The following CPA6 variants were observed in gnomAD, a reference collection of about 807,000 sequenced individuals.
The protein encoded by CPA6 is carboxypeptidase A6.
In CPA6, 58 loss-of-function variants were observed where a neutral mutation model predicts 63.3. That is an observed-to-expected ratio of 0.92 (90% CI 0.74 to 1.14). The LOEUF is 1.14. Ranked by LOEUF, CPA6 falls within the 50% of genes most tolerant of loss-of-function variation. CPA6 has a pLI of 0.00. For missense variants in CPA6, 565 were observed against 526.6 expected (o/e 1.07, Z -0.71); for synonymous variants, 185 against 179.0 (o/e 1.03, Z -0.27).
At chr8:67,738,816 T>C (rs1017545537) in intron 1 of CPA6, among the ~76,000 whole-genome samples, 1 of 152,210 alleles carries the variant, frequency 6.6e-6, no homozygotes, top group Non-Finnish European at 1.5e-5. Context: ...CGAGAAGCCA[T>C]TAATTTAGCA....
At chr8:67,592,835 G>C (rs918973388) in intron 2 of CPA6, among the ~76,000 whole-genome samples, 73 of 152,062 alleles carry the variant, frequency 4.8e-4, no homozygotes, top group East Asian at 1.9e-4. Context: ...CAAAAAACCA[G>C]CTCCTGGATT....
At chr8:67,459,239 G>A (rs1234764862) in intron 8 of CPA6, among the ~76,000 whole-genome samples, 1 of 152,078 alleles carries the variant, frequency 6.6e-6, no homozygotes, top group Non-Finnish European at 1.5e-5. Context: ...TGTTCAGGCT[G>A]GTCTGAAACT....
At chr8:67,677,342 C>CTTTTTT (rs35049117) in intron 1 of CPA6, among the ~76,000 whole-genome samples, 82 of 128,328 alleles carry the variant, frequency 6.4e-4, no homozygotes, top group East Asian at 4.9e-3. Flanking sequence ...AAAACACCTT[C>CTTTTTT]TTTTTTTTTT....
In CPA6 at chr8:67,484,721, C is replaced by T; in HGVS notation, c.705G>A (p.Met235Ile). 1 of 1,610,450 alleles carries T rather than the reference C, an allele frequency of 6.2e-7. No homozygotes were observed. The highest frequency in any genetic ancestry group is 1.3e-5 in the African/African-American group (1 of 74,976). The change falls in exon 7 of 11, where the codon ATG becomes ATA. Residue 235 changes from methionine to isoleucine, a missense_variant. Coordinates refer to ENST00000297770, the MANE Select transcript of CPA6 (RefSeq NM_020361.5). ...GGTATCCATCGACGTTAAACACAGG[C>T]ATGATATAGAAATATAGATGATTCA... ...KMLNHLYFYI[M>I]PVFNVDGYHF... is the part of the protein sequence containing the mutation.
chr8:67,537,551 A>ATT (rs1369276312), intron 2 of CPA6, among the ~76,000 whole-genome samples: 1 of 151,578 alleles, frequency 6.6e-6, no homozygotes, highest in East Asian at 1.9e-4. Flanking sequence ...CCCCTTTGTC[A>ATT]TTTTTTTATT....
intron 1 of CPA6, among the ~76,000 whole-genome samples, chr8:67,668,620 G>A (rs1206582523): frequency 2.6e-5 from 4 of 152,182 alleles, no homozygotes; most frequent in Non-Finnish European, 5.9e-5. Flanking sequence ...AAGGATACCT[G>A]TTGGTTGGTG....
chr8:67,434,252 A>G lies in CPA6; in HGVS notation c.839-12T>C. ...AGAAGCTCCTTCATCTGCAAGTCAG[A>G]AAAGAAAATGGGGTAAGGAAGTGGG... On this transcript the variant is annotated splice_polypyrimidine_tract_variant and intron_variant, in intron 8 of 10. Coordinates refer to ENST00000297770, the MANE Select transcript of CPA6 (RefSeq NM_020361.5). 1.2e-6 allele frequency: 2 copies of G among 1,610,152 alleles called. No homozygotes were observed. The highest frequency in any genetic ancestry group is 1.7e-6 in the Non-Finnish European group (2 of 1,176,724).
intron 1 of CPA6, among the ~76,000 whole-genome samples, chr8:67,719,207 G>A (rs1817444096): frequency 6.6e-6 from 1 of 152,058 alleles, no homozygotes; most frequent in Admixed American, 6.6e-5. Flanking sequence ...TTAGAACTGG[G>A]GGAACAAAGA....
chr8:67,597,507 T>C (rs183724156), intron 2 of CPA6, among the ~76,000 whole-genome samples: 1 of 152,306 alleles, frequency 6.6e-6, no homozygotes, highest in Admixed American at 6.5e-5. Flanking sequence ...CTGTGTCTTT[T>C]ATCTTGCATT....
intron 1 of CPA6, among the ~76,000 whole-genome samples, chr8:67,646,830 G>T (rs1815724469): frequency 6.6e-6 from 1 of 152,214 alleles, no homozygotes. Flanking sequence ...GGCTTGCCCT[G>T]TTTGAGGACA....
intron 2 of CPA6, among the ~76,000 whole-genome samples, chr8:67,532,609 G>C (rs1171892975): frequency 6.6e-6 from 1 of 152,100 alleles, no homozygotes; most frequent in Non-Finnish European, 1.5e-5. Flanking sequence ...GCTTGTCTCT[G>C]GGAGTTCAAG....
At chr8:67,675,630 C>T (rs906177719) in intron 1 of CPA6, among the ~76,000 whole-genome samples, 1 of 152,160 alleles carries the variant, frequency 6.6e-6, no homozygotes, top group African/African-American at 2.4e-5. Context: ...AAACAGGGTA[C>T]TGCCTCAACC....
chr8:67,592,251 T>C (rs1240692167), intron 2 of CPA6, among the ~76,000 whole-genome samples: 1 of 152,236 alleles, frequency 6.6e-6, no homozygotes, highest in Non-Finnish European at 1.5e-5. Flanking sequence ...TTGATCATGG[T>C]GGATAAGCTT....
At chr8:67,434,332 A>C in intron 8 of CPA6, 92 bp from the exon 9 acceptor site, 2 of 987,758 alleles carry the variant, frequency 2.0e-6, no homozygotes, top group East Asian at 2.5e-5. Context: ...TTTTTCTTTT[A>C]TTTCTCCAAA....
At chr8:67,514,164 G>T (rs1563982480) in intron 3 of CPA6, among the ~76,000 whole-genome samples, 1 of 151,990 alleles carries the variant, frequency 6.6e-6, no homozygotes, top group Non-Finnish European at 1.5e-5. Context: ...CACCATGTTG[G>T]CCAAGCTGAT....
chr8:67,666,531 T>A (rs1816230834), intron 1 of CPA6, among the ~76,000 whole-genome samples: 1 of 151,938 alleles, frequency 6.6e-6, no homozygotes, highest in African/African-American at 2.4e-5. Flanking sequence ...AAACAGAAAG[T>A]TCCCCTTGGC....
chr8:67,601,655 A>G (rs914733071), intron 2 of CPA6, among the ~76,000 whole-genome samples: 1 of 152,192 alleles, frequency 6.6e-6, no homozygotes, highest in Non-Finnish European at 1.5e-5. Context: ...GATACATCAC[A>G]TATCTTTTTC....
At chr8:67,571,621 A>T (rs943298734) in intron 2 of CPA6, among the ~76,000 whole-genome samples, 1 of 152,228 alleles carries the variant, frequency 6.6e-6, no homozygotes, top group Admixed American at 6.5e-5. Context: ...GAAATTAGGA[A>T]ATTAAAAAAT....
At chr8:67,562,649 G>T (rs190031284) in intron 2 of CPA6, among the ~76,000 whole-genome samples, 2 of 152,118 alleles carry the variant, frequency 1.3e-5, no homozygotes, top group Non-Finnish European at 2.9e-5. Flanking sequence ...GGTCAAGACC[G>T]TAGAGTCCTC....
Sources: gnomAD v4.1 joint callset for allele counts (sites outside exome capture counted in the v4.1 genomes callset) on GRCh38, gnomAD v4.1.1 for gene constraint, MANE v1.5 for transcripts, NCBI Gene and HGNC (gene_info 2026-07-23, HGNC 2026-07-21) for gene names.